Variants in FARP1 observed in about 807,000 individuals in gnomAD.
The protein encoded by FARP1 is FERM, ARHGEF and pleckstrin domain-containing protein 1.
A neutral mutation model predicts 128.8 loss-of-function variants in FARP1; 52 were observed. The observed-to-expected ratio is 0.40, with a 90% CI of 0.32 to 0.51. The LOEUF (loss-of-function observed/expected upper bound fraction) is 0.51. FARP1 is among the 20% of genes least tolerant of loss of function. The pLI, the probability that FARP1 is intolerant of heterozygous loss-of-function variation, is 0.45. For synonymous variants in FARP1, 580 were observed against 551.8 expected (o/e 1.05, Z -0.72); for missense variants, 1,333 against 1,367.9 (o/e 0.97, Z 0.40).
At chr13:98,331,980 C>G (rs546623244) in intron 2 of FARP1, among the ~76,000 whole-genome samples, 2 of 152,254 alleles carry the variant, frequency 1.3e-5, no homozygotes, top group South Asian at 4.2e-4. Flanking sequence ...TTGACTTTTT[C>G]TACCCTCCCC....
intron 1 of FARP1, among the ~76,000 whole-genome samples, chr13:98,193,433 G>C (rs1397963197): frequency 6.6e-6 from 1 of 152,202 alleles, no homozygotes; most frequent in South Asian, 2.1e-4. Flanking sequence ...GTCAGAGTGC[G>C]TGGGATCGTA....
intron 4 of FARP1, among the ~76,000 whole-genome samples, chr13:98,366,049 C>T (rs1488536314): frequency 6.6e-6 from 1 of 152,086 alleles, no homozygotes. Context: ...TCTCTCTCTT[C>T]TTGTGTCTTC....
At chr13:98,338,003 T>A (rs997357824) in intron 2 of FARP1, among the ~76,000 whole-genome samples, 1 of 152,206 alleles carries the variant, frequency 6.6e-6, no homozygotes, top group Non-Finnish European at 1.5e-5. Context: ...ATAGATTCTT[T>A]GTTTTCTTAT....
At chr13:98,264,492 C>G (rs564361201) in intron 2 of FARP1, among the ~76,000 whole-genome samples, 1 of 152,178 alleles carries the variant, frequency 6.6e-6, no homozygotes, top group Non-Finnish European at 1.5e-5. Flanking sequence ...GACCGACTGT[C>G]GTGGCACCAC....
At chr13:98,147,039 C>T (rs1875619482) in intron 1 of FARP1, among the ~76,000 whole-genome samples, 2 of 152,176 alleles carry the variant, frequency 1.3e-5, no homozygotes, top group Non-Finnish European at 2.9e-5. Flanking sequence ...ACTTGAAATA[C>T]TGATTTCTCC....
chr13:98,166,380 C>T (rs911121471), intron 1 of FARP1, among the ~76,000 whole-genome samples: 16 of 152,164 alleles, frequency 1.1e-4, no homozygotes, highest in Admixed American at 1.3e-4. Context: ...ACCTTATAAC[C>T]GTTCATTCGT....
At position 98,453,221 on chromosome 13, in the gene FARP1, G is replaced by C. The variant is rs113209502; in HGVS notation, c.*4904G>C. On this transcript the variant is annotated 3_prime_UTR_variant, in exon 27 of 27. Transcript: ENST00000319562. Reference sequence around the variant, plus strand: ...CACTTAGAGAGTATCTAGGGAAAAAGAGAGAGAGAGAAGTCAACACATGTC... The same window carrying C: ...CACTTAGAGAGTATCTAGGGAAAAACAGAGAGAGAGAAGTCAACACATGTC... 3.3e-6 allele frequency: 5 copies of C among 1,513,746 alleles called. No individual in the cohort carries two copies. The highest frequency in any genetic ancestry group is 3.6e-6 in the Non-Finnish European group (4 of 1,109,952). 93.8% of individuals were successfully genotyped at this position (1,513,746 alleles called of 1,614,324 possible).
intron 11 of FARP1, 81 bp downstream of exon 11, chr13:98,390,961 T>C: frequency 1.0e-6 from 1 of 958,820 alleles, no homozygotes; most frequent in Non-Finnish European, 1.7e-6. Flanking sequence ...TAAATATTTC[T>C]TTACCCAGAC....
chr13:98,248,121 T>C (rs1400620103), intron 2 of FARP1, among the ~76,000 whole-genome samples: 4 of 152,080 alleles, frequency 2.6e-5, no homozygotes, highest in Non-Finnish European at 4.4e-5. Context: ...TGCAATCCCG[T>C]CCAGCCCAGC....
chr13:98,305,520 G>A (rs1280271445), intron 2 of FARP1, among the ~76,000 whole-genome samples: 3 of 152,100 alleles, frequency 2.0e-5, no homozygotes, highest in East Asian at 1.9e-4. Context: ...TTTTAGTAGA[G>A]ACGGGGTTTC....
At chr13:98,317,999 C>T (rs914262623) in intron 2 of FARP1, among the ~76,000 whole-genome samples, 3 of 148,814 alleles carry the variant, frequency 2.0e-5, no homozygotes, top group African/African-American at 7.4e-5. Flanking sequence ...CTTCCTCATC[C>T]TCCTCCTCCC....
intron 2 of FARP1, among the ~76,000 whole-genome samples, chr13:98,240,499 G>A (rs1302510382): frequency 6.6e-6 from 1 of 152,196 alleles, no homozygotes; most frequent in Non-Finnish European, 1.5e-5. Flanking sequence ...AACAGAGAAG[G>A]ATGGTTGCAT....
chr13:98,378,848 AAC>A (rs1703486092), intron 6 of FARP1, among the ~76,000 whole-genome samples: 1 of 144,456 alleles, frequency 6.9e-6, no homozygotes, highest in Non-Finnish European at 1.5e-5. Context: ...GCAAGAAAAA[AAC>A]AAAAAAATAG....
chr13:98,250,903 G>A (rs1883291992), intron 2 of FARP1, among the ~76,000 whole-genome samples: 1 of 152,084 alleles, frequency 6.6e-6, no homozygotes, highest in Admixed American at 6.6e-5. Context: ...GCATGATTTG[G>A]TTTGTAAATT....
intron 5 of FARP1, among the ~76,000 whole-genome samples, chr13:98,376,224 C>A (rs1364115530): frequency 2.0e-5 from 3 of 152,096 alleles, no homozygotes; most frequent in Admixed American, 2.0e-4. Context: ...AATATTAGAT[C>A]TTATTCATTC....
rs528538790 is a variant in FARP1, at chr13:98,205,486, G to A, written c.-23-7734G>A. Reference sequence around the variant, plus strand: ...CGGCTCACTGCAAGCTCCACCTCCCGGGTTCATGCCATTCTCTTGCCTTAG... The same window carrying A: ...CGGCTCACTGCAAGCTCCACCTCCCAGGTTCATGCCATTCTCTTGCCTTAG... On this transcript the variant is annotated intron_variant, in intron 1 of 26. Transcript: ENST00000319562. Among the ~76,000 whole-genome samples the A allele has an allele frequency of 5.3e-5, 8 of 151,468 alleles. 1 individual carries two copies. Among genetic ancestry groups the A allele is most frequent in the African/African-American group, 1.5e-4 (6 of 41,176 alleles).
intron 6 of FARP1, among the ~76,000 whole-genome samples, chr13:98,380,232 A>G (rs1889839201): frequency 6.6e-6 from 1 of 152,046 alleles, no homozygotes; most frequent in African/African-American, 2.4e-5. Flanking sequence ...GGATCACTTG[A>G]GGTCAGGAGT....
intron 1 of FARP1, among the ~76,000 whole-genome samples, chr13:98,148,548 G>A (rs1215669302): frequency 1.3e-5 from 2 of 152,174 alleles, no homozygotes; most frequent in African/African-American, 4.8e-5. Context: ...TATGGTACTT[G>A]TCTGTAAATT....
intron 2 of FARP1, among the ~76,000 whole-genome samples, chr13:98,316,592 T>A (rs1200027277): frequency 6.6e-6 from 1 of 152,198 alleles, no homozygotes; most frequent in Non-Finnish European, 1.5e-5. Flanking sequence ...GGGTCCCACC[T>A]CTTTCGCCTT....
Sources: allele counts gnomAD v4.1 joint callset (sites outside exome capture counted in the v4.1 genomes callset), GRCh38; gene constraint gnomAD v4.1.1; transcripts MANE v1.5; gene names NCBI Gene and HGNC (gene_info 2026-07-23, HGNC 2026-07-21).